The following ANK1 variants were observed in gnomAD, a reference collection of about 807,000 sequenced individuals.
ANK1 encodes the protein ankyrin 1, also known as ankyrin-1.
In ANK1, 51 loss-of-function variants were observed where a neutral mutation model predicts 210.4. The ratio of observed to expected loss-of-function variants is 0.24; its 90% confidence interval spans 0.19 to 0.31. The LOEUF is 0.31. Among genes scored for constraint, ANK1 ranks in the 10% least tolerant of loss-of-function variants. The pLI, the probability that ANK1 is intolerant of heterozygous loss-of-function variation, is 1.00. For synonymous variants in ANK1, 967 were observed against 1,025.9 expected, an observed-to-expected ratio of 0.94 and a Z score of 1.10; for missense variants, 2,051 against 2,504.4, an observed-to-expected ratio of 0.82 and a Z score of 3.86.
chr8:41,845,432 C>A (rs1002553387), intron 1 of ANK1, among the ~76,000 whole-genome samples: 1 of 151,828 alleles, frequency 6.6e-6, no homozygotes, highest in Non-Finnish European at 1.5e-5. Flanking sequence ...CTGAACCAAT[C>A]GACTGGCGAT....
At chr8:41,801,944 A>G (rs1028906232), upstream of ANK1, among the ~76,000 whole-genome samples, 5 of 151,316 alleles carry the variant, frequency 3.3e-5, no homozygotes, top group African/African-American at 9.7e-5. Context: ...AGCTTATACA[A>G]TTTTTTCTGT....
At chr8:41,723,807 T>G (rs1444152643) in intron 7 of ANK1, among the ~76,000 whole-genome samples, 174 bp from the exon 8 acceptor site, 1 of 150,492 alleles carries the variant, frequency 6.6e-6, no homozygotes, top group Non-Finnish European at 1.5e-5. Context: ...TTTTTTTTTT[T>G]GAGACGGAGT....
At chr8:41,860,236 C>T (rs761433124) in intron 1 of ANK1, among the ~76,000 whole-genome samples, 8 of 152,168 alleles carry the variant, frequency 5.3e-5, no homozygotes, top group African/African-American at 1.4e-4. Flanking sequence ...AAGAATAGCT[C>T]GAGATTTATC....
Position 41,696,755 on chromosome 8 carries a change from C to T in ANK1, c.2656G>A (p.Glu886Lys). 6.2e-7 allele frequency: 1 copy of T among 1,600,992 alleles called. No individual in the cohort carries two copies. The highest frequency in any genetic ancestry group is 2.2e-5 in the East Asian group (1 of 44,876). Residue 886 changes from glutamate (E) to lysine (K), a missense_variant, in exon 25 of 43, where the codon GAG (glutamate) becomes AAG (lysine). By Grantham distance (56) the Glu-to-Lys change is moderately conservative. Transcript: ENST00000289734. ...GGGCTGCTGGGGATGAGGGAGTCCT[C>T]ATCATACTCTTTAGATGCCTGAGGA... ...EQEQASKEYD[E>K]DSLIPSSPAT...
At chr8:41,843,001 C>T (rs1809285660) in intron 1 of ANK1, among the ~76,000 whole-genome samples, 1 of 152,186 alleles carries the variant, frequency 6.6e-6, no homozygotes, top group East Asian at 1.9e-4. Context: ...TGTGCACAAA[C>T]CACACCCAGC....
intron 1 of ANK1, among the ~76,000 whole-genome samples, chr8:41,780,230 G>A (rs974805368): frequency 1.3e-4 from 20 of 152,050 alleles, no homozygotes; most frequent in African/African-American, 4.8e-4. Context: ...TTAGAGATGG[G>A]GTCTTGCTAT....
rs754882858 is a variant in ANK1 at position 41,699,437 on chromosome 8, G to C, written c.2558+15C>G. ...TCTCGGCACCCCCGGGGACCCTCCCGGGAGCACTGCTCACACTTGGTCTAG... is the reference window on the plus strand; with the variant it reads ...TCTCGGCACCCCCGGGGACCCTCCCCGGAGCACTGCTCACACTTGGTCTAG... On this transcript the variant is annotated intron_variant, in intron 23 of 42. Coordinates refer to ENST00000289734, the MANE Select transcript of ANK1 (RefSeq NM_000037.4). The C allele has an allele frequency of 1.9e-6, 3 of 1,613,328 alleles. No individual in the cohort carries two copies.
Position 41,663,876 on chromosome 8 carries a change from T to A in ANK1, c.5395-134A>T. On this transcript the variant is annotated intron_variant, in intron 39 of 42. Transcript: ENST00000289734. ...TAACTCCCCCAGCAGGAAACCCGGC[T>A]CAGCATGTAGCAGGAGCCATGCCAG... is the stretch of plus-strand genomic sequence containing the variant. 3 of 771,164 alleles carry A rather than the reference T, an allele frequency of 3.9e-6. No individual in the cohort carries two copies. In the South Asian group the frequency reaches 4.3e-5, roughly 11 times the overall value. The allele number at this position is 771,164 out of a possible 1,614,324, so 47.8% of individuals were successfully genotyped here. A position where few individuals can be genotyped will look rare whatever the true frequency, so the allele number is the denominator to read the frequency against.
intron 1 of ANK1, among the ~76,000 whole-genome samples, chr8:41,884,359 T>C (rs1454995758): frequency 2.0e-5 from 3 of 148,724 alleles, no homozygotes; most frequent in African/African-American, 2.5e-5. Context: ...AATAAATAAA[T>C]GAATAAATAA....
chr8:41,884,732 T>A (rs530192114), intron 1 of ANK1, among the ~76,000 whole-genome samples: 15 of 152,192 alleles, frequency 9.9e-5, no homozygotes, highest in African/African-American at 3.6e-4. Flanking sequence ...ACTCAGAGGC[T>A]GTGTTGGGAG....
chr8:41,865,863 C>T (rs1814334325), intron 1 of ANK1, among the ~76,000 whole-genome samples: 1 of 152,196 alleles, frequency 6.6e-6, no homozygotes, highest in Admixed American at 6.5e-5. Context: ...CTCCCCTATC[C>T]CTGCACCAGT....
rs541536264 is a variant in ANK1, at chr8:41,875,853, A to G, written c.126+20502T>C. 4.7e-4 allele frequency among the ~76,000 whole-genome samples: 71 copies of G among 152,250 alleles called. 2 individuals carry two copies. The South Asian group carries it at 0.013, about 28-fold the overall frequency. On this transcript the variant is annotated intron_variant, in intron 1 of 42. Coordinates refer to the ANK1 transcript ENST00000265709. ...TGATCTAGTGTTACACGGCGCAGGG[A>G]CTGGGAAGCAGCCGGCACGAGAAAG...
In ANK1 at chr8:41,885,224, G is replaced by A. The variant is rs187465687; in HGVS notation, c.126+11131C>T. Among the ~76,000 whole-genome samples, 117 of 152,208 alleles carry A rather than the reference G, an allele frequency of 7.7e-4. 1 individual carries two copies. Among genetic ancestry groups the A allele is most frequent in the Non-Finnish European group, 1.4e-3 (94 of 68,008 alleles). On this transcript the variant is annotated intron_variant, in intron 1 of 42. Coordinates refer to the ANK1 transcript ENST00000265709. ...CCTGAGAAATCTGGTGATGGTGCTC[G>A]GTACAGAATCATAAAGTTTTTCCGT... is the stretch of plus-strand genomic sequence containing the variant.
intron 1 of ANK1, among the ~76,000 whole-genome samples, chr8:41,779,914 G>T (rs1844916636): frequency 6.6e-6 from 1 of 152,218 alleles, no homozygotes; most frequent in African/African-American, 2.4e-5. Flanking sequence ...GAAATTCTGA[G>T]GAAGTAATGG....
intron 1 of ANK1, among the ~76,000 whole-genome samples, chr8:41,882,688 G>A (rs573499709): frequency 6.6e-6 from 1 of 152,236 alleles, no homozygotes; most frequent in African/African-American, 2.4e-5. Flanking sequence ...AAGCAGGCCT[G>A]TCTGACCCTG....
chr8:41,694,595 C>A lies in ANK1; in HGVS notation c.3324G>T (p.Leu1108=). The A allele has an allele frequency of 6.2e-7, 1 of 1,612,746 alleles. No individual in the cohort carries two copies. Among genetic ancestry groups the A allele is most frequent in the Non-Finnish European group, 8.5e-7 (1 of 1,179,840 alleles). Residue 1108 remains leucine, a synonymous_variant, in exon 28 of 43, where the codon CTG becomes CTT. Coordinates refer to ENST00000289734, the MANE Select transcript of ANK1 (RefSeq NM_000037.4). The surrounding 1 kb of genome is among the most constrained non-coding windows in gnomAD (Gnocchi z 5.7). ...NAVTKRVKLA[L]QAQPVPDELV... ...TGGCGGGGAGGAGGGCTGTCACCTG[C>A]AGAGCCAGCTTCACTCTCTTGGTGA...
chr8:41,700,473 C>A (rs763889593), intron 22 of ANK1: 1 of 1,612,900 alleles, frequency 6.2e-7, no homozygotes, highest in East Asian at 2.2e-5. Context: ...CAAAGGAGAG[C>A]AGAATTGAAA....
At chr8:41,843,215 G>A (rs373659071) in intron 1 of ANK1, among the ~76,000 whole-genome samples, 11 of 152,202 alleles carry the variant, frequency 7.2e-5, no homozygotes, top group African/African-American at 1.9e-4. Context: ...AAATTCATGC[G>A]GTACGTGAGA....
intron 1 of ANK1, among the ~76,000 whole-genome samples, chr8:41,830,575 G>A (rs1234299682): frequency 6.6e-6 from 1 of 152,066 alleles, no homozygotes; most frequent in South Asian, 2.1e-4. Flanking sequence ...AGATTCCCAG[G>A]GAGTGTCAGG....
Sources: gnomAD v4.1 joint callset for allele counts (sites outside exome capture counted in the v4.1 genomes callset) on GRCh38, gnomAD v4.1.1 for gene constraint, Gnocchi (gnomAD v3.1) non-coding constraint, MANE v1.5 for transcripts, NCBI Gene and HGNC (gene_info 2026-07-23, HGNC 2026-07-21) for gene names.